UNC79: variants seen among roughly 807,000 people sequenced by gnomAD.
UNC79 encodes the protein unc-79 subunit of NALCN channel complex.
In UNC79, 37 loss-of-function variants were observed where a neutral mutation model predicts 283.1. The ratio of observed to expected loss-of-function variants is 0.13; its 90% CI spans 0.10 to 0.17. The LOEUF (loss-of-function observed/expected upper bound fraction) is 0.17. Ranked by LOEUF, UNC79 falls within the 10% of genes least tolerant of loss-of-function variation. The probability of loss-of-function intolerance (pLI) is 1.00; values close to 1 mark genes in which losing one functional copy is unlikely to be tolerated. For synonymous variants in UNC79, 1,107 were observed against 1,200.2 expected, an observed-to-expected ratio of 0.92 and a Z score of 1.61; for missense variants, 2,272 against 3,211.1, an observed-to-expected ratio of 0.71 and a Z score of 7.07.
At chr14:93,390,846 A>C (rs1243498433) in intron 1 of UNC79, among the ~76,000 whole-genome samples, 1 of 152,210 alleles carries the variant, frequency 6.6e-6, no homozygotes, top group Non-Finnish European at 1.5e-5. Context: ...GCAAAACTTA[A>C]TGTTGTAAAG....
At chr14:93,641,891 G>C (rs1021975915) in intron 33 of UNC79, among the ~76,000 whole-genome samples, 1 of 152,166 alleles carries the variant, frequency 6.6e-6, no homozygotes, top group East Asian at 1.9e-4. Context: ...TCATGGCAGT[G>C]AATAAGTCTC....
At chr14:93,507,882 T>A (rs542984407) in intron 7 of UNC79, among the ~76,000 whole-genome samples, 1 of 152,198 alleles carries the variant, frequency 6.6e-6, no homozygotes, top group Non-Finnish European at 1.5e-5. Flanking sequence ...GTATGATGGC[T>A]ATGGCTTATT....
At chr14:93,443,548 C>T (rs1235272223) in intron 1 of UNC79, among the ~76,000 whole-genome samples, 2 of 151,790 alleles carry the variant, frequency 1.3e-5, no homozygotes, top group East Asian at 2.0e-4. Flanking sequence ...CTCAGCCTCC[C>T]GAGTAGTTGG....
chr14:93,413,267 A>G (rs895738223), intron 1 of UNC79, among the ~76,000 whole-genome samples: 4 of 148,158 alleles, frequency 2.7e-5, no homozygotes, highest in African/African-American at 1.0e-4. Flanking sequence ...ATGAGTGAGA[A>G]TATGCGGTGT....
At chr14:93,664,979 T>C (rs950947447) in intron 40 of UNC79, among the ~76,000 whole-genome samples, 1 of 151,990 alleles carries the variant, frequency 6.6e-6, no homozygotes, top group Middle Eastern at 3.2e-3. Context: ...ATTAGGAAAG[T>C]CAACAAGTAG....
chr14:93,668,506 C>A (rs1279795911), intron 40 of UNC79, among the ~76,000 whole-genome samples: 2 of 151,818 alleles, frequency 1.3e-5, no homozygotes, highest in African/African-American at 4.8e-5. Context: ...AGCCCAGGAG[C>A]CTGAGACCAG....
At position 93,471,367 on chromosome 14, in the gene UNC79, T is replaced by A. The variant is rs1242760; in HGVS notation, c.144-2722T>A. Among the ~76,000 whole-genome samples, 443 of 152,106 alleles carry A rather than the reference T, an allele frequency of 2.9e-3. 2 individuals are homozygous for A. The highest frequency in any genetic ancestry group is 6.8e-3 in the Middle Eastern group (2 of 294). On this transcript the variant is annotated intron_variant, in intron 2 of 48. Coordinates refer to ENST00000555664, the Ensembl canonical transcript of UNC79. Reference sequence around the variant, plus strand: ...ATCTTTCCTCACACCAACAGAGGTCTTCCTCTCTTGATGCTGAAAGTCAAT... The same window carrying A: ...ATCTTTCCTCACACCAACAGAGGTCATCCTCTCTTGATGCTGAAAGTCAAT...
chr14:93,486,422 C>T (rs968623667), intron 4 of UNC79, among the ~76,000 whole-genome samples: 13 of 151,592 alleles, frequency 8.6e-5, no homozygotes, highest in African/African-American at 1.2e-4. Context: ...TCTGGGAGGC[C>T]GAAGTGGGTG....
exon 40 of UNC79, chr14:93,662,690 C>T: frequency 6.2e-7 from 1 of 1,610,274 alleles, no homozygotes; most frequent in Non-Finnish European, 8.5e-7. Context: ...AGCTGTGTGG[C>T]TTATGTTACC....
At position 93,518,205 on chromosome 14, in the gene UNC79, A is replaced by G. The variant is rs567440341; in HGVS notation, c.899-5773A>G. 5.3e-5 allele frequency among the ~76,000 whole-genome samples: 8 copies of G among 152,206 alleles called. No homozygotes were observed. The East Asian group carries it at 1.5e-3, about 29-fold the overall frequency. On this transcript the variant is annotated intron_variant, in intron 7 of 48. Transcript: ENST00000555664. The stretch of plus-strand genomic sequence containing the variant: ...TATTTATTCTTTCAATGATTAATAG[A>G]ATTTACTGGTGAAGCCATATGGACT...
In UNC79 at chr14:93,695,890, C is replaced by CAAAAAAAAAAAA. The variant is rs535235954; in HGVS notation, c.7548+1487_7548+1498dup. 9.0e-3 allele frequency among the ~76,000 whole-genome samples: 353 copies of CAAAAAAAAAAAA among 39,382 alleles called. 39 individuals carry two copies. The highest frequency in any genetic ancestry group is 0.033 in the African/African-American group (315 of 9,406). The allele number at this position is 39,382 out of a possible 152,430, so 25.8% of individuals were successfully genotyped here. On this transcript the variant is annotated intron_variant, in intron 47 of 48. Transcript: ENST00000555664. ...TGGGCAACAGGATGAGACTTTGTCT[C>CAAAAAAAAAAAA]AAAAAAAAAAAAAAAAAAAAGCAAA...
intron 30 of UNC79, among the ~76,000 whole-genome samples, chr14:93,623,887 G>A (rs1179763815): frequency 2.0e-5 from 3 of 152,048 alleles, no homozygotes; most frequent in African/African-American, 2.4e-5. Flanking sequence ...GTGAGACTCC[G>A]TCTAAAAAAA....
intron 41 of UNC79, among the ~76,000 whole-genome samples, chr14:93,679,609 T>G (rs554963694): frequency 6.6e-6 from 1 of 152,322 alleles, no homozygotes; most frequent in African/African-American, 2.4e-5. Context: ...AGAGAACTGG[T>G]GGAGGAACAG....
chr14:93,348,305 A>C, intron 1 of UNC79: 2 of 495,244 alleles, frequency 4.0e-6, no homozygotes, highest in Non-Finnish European at 7.2e-6. Context: ...ATAGTCAAAA[A>C]TGTTCTGCTT....
intron 13 of UNC79, among the ~76,000 whole-genome samples, chr14:93,541,295 A>G (rs2061358689): frequency 6.6e-6 from 1 of 152,224 alleles, no homozygotes; most frequent in Non-Finnish European, 1.5e-5. Context: ...TACACCAGAG[A>G]CGTTATAGCC....
At chr14:93,515,152 A>G (rs2059996419) in intron 7 of UNC79, among the ~76,000 whole-genome samples, 1 of 151,746 alleles carries the variant, frequency 6.6e-6, no homozygotes, top group South Asian at 2.1e-4. Flanking sequence ...TTAAATTTTG[A>G]TTATTATATA....
intron 1 of UNC79, among the ~76,000 whole-genome samples, chr14:93,411,146 T>TA (rs2055328750): frequency 6.6e-6 from 1 of 152,070 alleles, no homozygotes; most frequent in African/African-American, 2.4e-5. Flanking sequence ...TCTTGGGCCT[T>TA]AAGGGAGTAT....
At chr14:93,517,472 A>ATTT (rs34274004) in intron 7 of UNC79, among the ~76,000 whole-genome samples, 15 of 146,662 alleles carry the variant, frequency 1.0e-4, no homozygotes, top group East Asian at 4.0e-4. Flanking sequence ...TTTTTCATAG[A>ATTT]TTTTTTTTTT....
chr14:93,634,644 CA>C lies in UNC79; in HGVS notation c.5717-2570del, dbSNP rs1292046289. 4.3e-6 allele frequency: 7 copies of C among 1,610,026 alleles called. No homozygotes were observed. The highest frequency in any genetic ancestry group is 4.3e-6 in the Non-Finnish European group (5 of 1,176,364). On this transcript the variant is annotated intron_variant, in intron 31 of 48. Coordinates refer to ENST00000555664, the Ensembl canonical transcript of UNC79. ...ATCAGCAACTGGGACACTGGTGGGT[CA>C]AGCTTTTTCTTCTCATTCTACCTCT...
Sources: gnomAD v4.1 joint callset for allele counts (sites outside exome capture counted in the v4.1 genomes callset) on GRCh38, gnomAD v4.1.1 for gene constraint, MANE v1.5 for transcripts, NCBI Gene and HGNC (gene_info 2026-07-23, HGNC 2026-07-21) for gene names.